Variants in LGR6 observed in about 807,000 individuals in gnomAD.
The protein encoded by LGR6 is leucine-rich repeat-containing G protein-coupled receptor 6.
In LGR6, 45 loss-of-function variants were observed where a neutral mutation model predicts 69.4. The ratio of observed to expected loss-of-function variants is 0.65; its 90% confidence interval spans 0.51 to 0.83. The LOEUF is 0.83. Among genes scored for constraint, LGR6 ranks in the 40% least tolerant of loss-of-function variants. LGR6 has a pLI of 0.00. For missense variants in LGR6, 1,108 were observed against 1,246.7 expected, an observed-to-expected ratio of 0.89 and a Z score of 1.68; for synonymous variants, 538 against 555.0, an observed-to-expected ratio of 0.97 and a Z score of 0.43.
At chr1:202,212,345 G>A (rs1176782671) in intron 1 of LGR6, among the ~76,000 whole-genome samples, 1 of 152,172 alleles carries the variant, frequency 6.6e-6, no homozygotes, top group African/African-American at 2.4e-5. Flanking sequence ...AGGGGCTTGA[G>A]GACCAGCAGC....
chr1:202,222,939 T>C (rs1172220803), intron 1 of LGR6, among the ~76,000 whole-genome samples: 1 of 152,068 alleles, frequency 6.6e-6, no homozygotes, highest in Non-Finnish European at 1.5e-5. Flanking sequence ...CCATTTCTAC[T>C]AAAAATACAA....
chr1:202,214,059 G>T, intron 1 of LGR6: 1 of 1,346,144 alleles, frequency 7.4e-7, no homozygotes, highest in Non-Finnish European at 9.5e-7. Context: ...CCAGAGGGAA[G>T]GGCATACGAG....
In LGR6 at chr1:202,268,871, T is replaced by C. The variant is rs1238084752; in HGVS notation, c.429-7435T>C. Among the ~76,000 whole-genome samples the C allele has an allele frequency of 6.6e-6, 1 of 152,196 alleles. No homozygotes were observed. Among genetic ancestry groups the C allele is most frequent in the Non-Finnish European group, 1.5e-5 (1 of 68,026 alleles). On this transcript the variant is annotated intron_variant, in intron 4 of 17. Coordinates refer to ENST00000367278, the MANE Select transcript of LGR6 (RefSeq NM_001017403.2). This position sits in a 1 kb window ranked among gnomAD's most constrained non-coding sequence, Gnocchi z 4.4. ...GGGCCCTGATAGCAGAAGGGGCCTG[T>C]ACCTGGTTTAGTGTTCTATTGCCAT...
chr1:202,298,946 G>C (rs921704363), intron 7 of LGR6, among the ~76,000 whole-genome samples: 4 of 151,812 alleles, frequency 2.6e-5, no homozygotes, highest in Non-Finnish European at 5.9e-5. Context: ...CAGCACATAG[G>C]GGACAACTGG....
At chr1:202,266,237 A>G (rs967633006) in intron 4 of LGR6, among the ~76,000 whole-genome samples, 3 of 152,174 alleles carry the variant, frequency 2.0e-5, no homozygotes, top group East Asian at 1.9e-4. Flanking sequence ...GCCTCTGCAC[A>G]ACACCATGTG....
intron 1 of LGR6, among the ~76,000 whole-genome samples, chr1:202,197,627 AAAG>A (rs1197934691): frequency 2.6e-5 from 4 of 152,094 alleles, no homozygotes; most frequent in Admixed American, 6.5e-5. Context: ...AAAAAAAAAA[AAAG>A]AAGACCAGTA....
At chr1:202,245,513 G>A (rs1434950021) in intron 4 of LGR6, among the ~76,000 whole-genome samples, 1 of 152,126 alleles carries the variant, frequency 6.6e-6, no homozygotes, top group Non-Finnish European at 1.5e-5. Context: ...AGACTTGTGG[G>A]GCTCCTCAGC....
chr1:202,203,661 G>A (rs934671167), intron 1 of LGR6: 14 of 678,746 alleles, frequency 2.1e-5, no homozygotes, highest in Non-Finnish European at 3.3e-5. Flanking sequence ...GCAAATAACT[G>A]TGACCTGTTG....
chr1:202,280,359 A>G (rs1367371338), intron 5 of LGR6, among the ~76,000 whole-genome samples: 2 of 152,266 alleles, frequency 1.3e-5, no homozygotes, highest in Non-Finnish European at 1.5e-5. Flanking sequence ...CTTTAATTAT[A>G]TGTTGACTGC....
chr1:202,259,073 A>G lies in LGR6; in HGVS notation c.429-17233A>G, dbSNP rs1031009880. ...ATATATACTAAACCCATTATACTAT[A>G]ATAGAATTTATTATTTTAACATCAC... On this transcript the variant is annotated intron_variant, in intron 4 of 17. Transcript: ENST00000367278. Among the ~76,000 whole-genome samples, 8 of 152,266 alleles carry G rather than the reference A, an allele frequency of 5.3e-5. No individual in the cohort carries two copies. The East Asian group carries it at 5.8e-4, about 11-fold the overall frequency.
intron 6 of LGR6, among the ~76,000 whole-genome samples, chr1:202,282,277 A>G (rs1046730745): frequency 1.1e-4 from 17 of 152,226 alleles, no homozygotes; most frequent in Admixed American, 1.3e-4. Context: ...TAGCCCACTC[A>G]ATCAACATCT....
chr1:202,273,488 G>A (rs1489996959), intron 4 of LGR6, among the ~76,000 whole-genome samples: 2 of 149,224 alleles, frequency 1.3e-5, no homozygotes, highest in Admixed American at 6.7e-5. Context: ...ATGGAGTTTC[G>A]CTCTTGTCGC....
chr1:202,272,169 G>A (rs1665157940), intron 4 of LGR6, among the ~76,000 whole-genome samples: 1 of 152,164 alleles, frequency 6.6e-6, no homozygotes, highest in African/African-American at 2.4e-5. Flanking sequence ...ACTGGGCATT[G>A]TCCCAAATAT....
intron 4 of LGR6, among the ~76,000 whole-genome samples, chr1:202,247,930 C>T (rs1025621415): frequency 5.9e-5 from 9 of 152,308 alleles, no homozygotes; most frequent in South Asian, 2.1e-4. Flanking sequence ...TTGCCTGCCC[C>T]CTCCTCCTCC....
At chr1:202,239,056 G>A (rs1235661254) in intron 4 of LGR6, among the ~76,000 whole-genome samples, 3 of 152,154 alleles carry the variant, frequency 2.0e-5, no homozygotes, top group East Asian at 3.9e-4. Flanking sequence ...TAAACAGGGG[G>A]CGTCTCGGTC....
chr1:202,245,664 CG>C (rs1260799149), intron 4 of LGR6, among the ~76,000 whole-genome samples: 2 of 152,124 alleles, frequency 1.3e-5, no homozygotes, highest in Non-Finnish European at 2.9e-5. Flanking sequence ...AAGAGTACCC[CG>C]GGTGTTGCGA....
At chr1:202,250,866 C>G (rs1663174604) in intron 4 of LGR6, among the ~76,000 whole-genome samples, 1 of 152,182 alleles carries the variant, frequency 6.6e-6, no homozygotes. Context: ...TCTGTAAGAT[C>G]TGGAGCTTGA....
chr1:202,240,537 T>G (rs951054425), intron 4 of LGR6, among the ~76,000 whole-genome samples: 1 of 152,088 alleles, frequency 6.6e-6, no homozygotes, highest in African/African-American at 2.4e-5. Context: ...CCTGGGAAGT[T>G]GGTCAGTTGA....
intron 4 of LGR6, among the ~76,000 whole-genome samples, chr1:202,257,644 T>C (rs1663881591): frequency 6.6e-6 from 1 of 152,314 alleles, no homozygotes; most frequent in Non-Finnish European, 1.5e-5. Context: ...TAAGAATTTA[T>C]TTCTGGACTC....
Sources: allele counts gnomAD v4.1 joint callset (sites outside exome capture counted in the v4.1 genomes callset), GRCh38; gene constraint gnomAD v4.1.1; non-coding constraint Gnocchi (gnomAD v3.1); transcripts MANE v1.5; gene names NCBI Gene and HGNC (gene_info 2026-07-23, HGNC 2026-07-21).